The following MOCS1 variants were observed in gnomAD, a reference collection of about 807,000 sequenced individuals.
MOCS1 encodes the protein molybdenum cofactor synthesis 1, also known as molybdenum cofactor biosynthesis protein 1.
A neutral mutation model predicts 57.6 loss-of-function variants in MOCS1; 39 were observed. The observed-to-expected ratio is 0.68, with a 90% CI of 0.52 to 0.88. MOCS1 has a LOEUF of 0.88. Ranked by LOEUF, MOCS1 falls within the 40% of genes least tolerant of loss-of-function variation. MOCS1 has a pLI of 0.00. For synonymous variants in MOCS1, 334 were observed against 335.7 expected, an observed-to-expected ratio of 1.00 and a Z score of 0.05; for missense variants, 795 against 831.1, an observed-to-expected ratio of 0.96 and a Z score of 0.53.
chr6:39,934,271 T>C (rs1446102521), intron 1 of MOCS1, 24 bp downstream of exon 1: 2 of 1,530,316 alleles, frequency 1.3e-6, no homozygotes, highest in South Asian at 1.2e-5. Flanking sequence ...CGGGAAGCTG[T>C]GGACGCAGGC....
At chr6:39,927,673 G>T in intron 1 of MOCS1, 6 of 1,554,424 alleles carry the variant, frequency 3.9e-6, no homozygotes, top group Non-Finnish European at 5.2e-6. Context: ...ATTCAGCTTG[G>T]GGGTCGGGGG....
chr6:39,931,903 C>T (rs1022406704), intron 1 of MOCS1, among the ~76,000 whole-genome samples: 3 of 152,198 alleles, frequency 2.0e-5, no homozygotes, highest in African/African-American at 7.2e-5. Context: ...CCAGGCTAGG[C>T]TGAACCCTAC....
chr6:39,927,172 C>A, intron 2 of MOCS1, 157 bp downstream of exon 2: 1 of 859,038 alleles, frequency 1.2e-6, no homozygotes. Context: ...CTATCTTGCC[C>A]CTGAAGCCCA....
At chr6:39,912,845 G>A in intron 7 of MOCS1, 47 bp downstream of exon 7, 2 of 1,453,862 alleles carry the variant, frequency 1.4e-6, no homozygotes, top group South Asian at 2.3e-5. Flanking sequence ...CTAGGGTGGA[G>A]GTACGACCTT....
intron 10 of MOCS1, 131 bp from the exon 11 acceptor site, chr6:39,907,248 C>G: frequency 2.0e-6 from 2 of 1,021,198 alleles, no homozygotes; most frequent in East Asian, 2.6e-5. Flanking sequence ...GAATGAAGAA[C>G]AAAAAGCATA....
At chr6:39,909,650 G>T (rs1219529003) in intron 9 of MOCS1, among the ~76,000 whole-genome samples, 185 bp downstream of exon 9, 6 of 152,114 alleles carry the variant, frequency 3.9e-5, no homozygotes, top group Non-Finnish European at 8.8e-5. Context: ...CCCCATGGAA[G>T]GAGAAGCATC....
chr6:39,919,602 A>T (rs1285525602), intron 3 of MOCS1, among the ~76,000 whole-genome samples: 2 of 152,208 alleles, frequency 1.3e-5, no homozygotes, highest in Non-Finnish European at 2.9e-5. Flanking sequence ...AAAAAGAATA[A>T]AAAGAACTTG....
intron 8 of MOCS1, 61 bp downstream of exon 8, chr6:39,912,203 T>G: frequency 8.0e-7 from 1 of 1,253,498 alleles, no homozygotes; most frequent in Non-Finnish European, 1.2e-6. Flanking sequence ...GGAGCACAGG[T>G]GGGAGGAGAC....
intron 1 of MOCS1, among the ~76,000 whole-genome samples, chr6:39,929,603 T>C (rs1768537569): frequency 6.6e-6 from 1 of 151,938 alleles, no homozygotes; most frequent in South Asian, 2.1e-4. Flanking sequence ...AGGAGCATTA[T>C]TCAGCAGAAA....
In MOCS1 at chr6:39,906,379, C is replaced by T. The variant is rs375813466; in HGVS notation, c.1889G>A (p.Arg630Gln). 35 of 1,596,406 alleles carry T rather than the reference C, an allele frequency of 2.2e-5. No homozygotes were observed. The African/African-American group carries it at 2.8e-4, about 13-fold the overall frequency. Residue 630 changes from arginine to glutamine, a missense_variant, in exon 11 of 11, where the codon CGG becomes CAG. By Grantham distance (43) the Arg-to-Gln change is conservative. Transcript: ENST00000340692. ...GTGCTAAGCCCGATGGAAGTCCCCCCGCTGACCACCAGTCTTGCTAATGAG... is the reference window on the plus strand; with the variant it reads ...GTGCTAAGCCCGATGGAAGTCCCCCTGCTGACCACCAGTCTTGCTAATGAG... ...IKLISKTGGQ[R>Q]GDFHRA
At chr6:39,921,506 A>G (rs1767971373) in intron 3 of MOCS1, among the ~76,000 whole-genome samples, 1 of 152,246 alleles carries the variant, frequency 6.6e-6, no homozygotes, top group South Asian at 2.1e-4. Flanking sequence ...ACATGGATCA[A>G]TGATGAGAAT....
chr6:39,909,173 G>A, intron 9 of MOCS1, 71 bp from the exon 10 acceptor site: 2 of 580,556 alleles, frequency 3.4e-6, no homozygotes, highest in Non-Finnish European at 3.2e-6. Flanking sequence ...AGCAGGGGAG[G>A]GGGAGAGGGA....
rs111640560 is a variant in MOCS1 at position 39,925,795 on chromosome 6, G to A, written c.301C>T (p.Leu101=). 1.9e-6 allele frequency: 3 copies of A among 1,612,836 alleles called. No individual in the cohort carries two copies. The highest frequency in any genetic ancestry group is 1.3e-5 in the African/African-American group (1 of 75,058). ...GTCAGGATCTCCTCTGTGGTCAGCA[G>A]GTTGGCTTTGGGGGTCAGCGGGACC... The part of the protein sequence containing the change: ...EGVPLTPKAN[L]LTTEEILTLA... The change falls in exon 3 of 11, where the codon CTG becomes TTG. Residue 101 remains leucine, a synonymous_variant. Transcript: ENST00000340692.
chr6:39,926,241 G>A (rs1302217804), intron 2 of MOCS1, among the ~76,000 whole-genome samples: 1 of 152,158 alleles, frequency 6.6e-6, no homozygotes, highest in Non-Finnish European at 1.5e-5. Flanking sequence ...ATGGCAAACA[G>A]GTAGCTTTCT....
At chr6:39,921,842 T>C (rs528953903) in intron 3 of MOCS1, among the ~76,000 whole-genome samples, 2 of 152,306 alleles carry the variant, frequency 1.3e-5, no homozygotes, top group South Asian at 4.1e-4. Context: ...TTAACTTGTG[T>C]CATGGGGGTT....
intron 1 of MOCS1, among the ~76,000 whole-genome samples, chr6:39,933,590 A>G (rs1768752814): frequency 6.6e-6 from 1 of 152,092 alleles, no homozygotes; most frequent in African/African-American, 2.4e-5. Flanking sequence ...TTATTCCCTA[A>G]CCACCTGAGC....
intron 3 of MOCS1, among the ~76,000 whole-genome samples, chr6:39,922,209 G>C (rs937596579): frequency 2.6e-5 from 4 of 152,114 alleles, no homozygotes; most frequent in African/African-American, 7.2e-5. Context: ...CAGTTTCTCG[G>C]TTACATTAGC....
chr6:39,913,260 T>C, intron 6 of MOCS1, 57 bp downstream of exon 6: 12 of 1,469,466 alleles, frequency 8.2e-6, no homozygotes, highest in Non-Finnish European at 1.1e-5. Context: ...AGCCACACTA[T>C]GCGACCTGCA....
chr6:39,934,193 A>G, intron 1 of MOCS1, 102 bp downstream of exon 1: 1 of 1,405,070 alleles, frequency 7.1e-7, no homozygotes, highest in Non-Finnish European at 9.3e-7. Flanking sequence ...TCCCTCCCAG[A>G]AGCGGTCAAG....
Sources: gnomAD v4.1 joint callset for allele counts (sites outside exome capture counted in the v4.1 genomes callset) on GRCh38, gnomAD v4.1.1 for gene constraint, MANE v1.5 for transcripts, NCBI Gene and HGNC (gene_info 2026-07-23, HGNC 2026-07-21) for gene names.